Variants in NEK6 observed in about 807,000 individuals in gnomAD.
NEK6 encodes the protein serine/threonine-protein kinase Nek6.
NEK6 carries 27 observed loss-of-function variants against 43.5 expected under a neutral mutation model. That is an observed-to-expected ratio of 0.62 (90% CI 0.46 to 0.86). The LOEUF is 0.86. Ranked by LOEUF, NEK6 falls within the 40% of genes least tolerant of loss-of-function variation. The pLI, the probability that NEK6 is intolerant of heterozygous loss-of-function variation, is 0.00. For synonymous variants in NEK6, 167 were observed against 164.1 expected (o/e 1.02, Z -0.14); for missense variants, 318 against 414.4 (o/e 0.77, Z 2.02).
intron 1 of NEK6, among the ~76,000 whole-genome samples, chr9:124,276,452 G>A (rs1831654168): frequency 6.6e-6 from 1 of 152,202 alleles, no homozygotes; most frequent in South Asian, 2.1e-4. Flanking sequence ...AGAAGCCATA[G>A]GGTCAGCCTA....
At chr9:124,279,384 C>T (rs866865159) in intron 1 of NEK6, among the ~76,000 whole-genome samples, 40 of 151,616 alleles carry the variant, frequency 2.6e-4, no homozygotes, top group African/African-American at 8.5e-4. Context: ...TCACTGCAAC[C>T]TCTGCTCCCC....
At chr9:124,292,202 CT>C in intron 1 of NEK6, 1 of 1,255,734 alleles carries the variant, frequency 8.0e-7, no homozygotes, top group East Asian at 3.2e-5. Flanking sequence ...CTCCAGGGAC[CT>C]TGACCTGGCT....
intron 4 of NEK6, among the ~76,000 whole-genome samples, chr9:124,314,443 T>G (rs11788226): frequency 0.02 from 2,968 of 151,816 alleles, 44 homozygotes; most frequent in Middle Eastern, 0.034. Flanking sequence ...CCATCTCTCC[T>G]CTCAGCCTTT....
intron 1 of NEK6, among the ~76,000 whole-genome samples, chr9:124,282,287 A>G (rs1405688076): frequency 6.6e-6 from 1 of 151,958 alleles, no homozygotes; most frequent in East Asian, 1.9e-4. Flanking sequence ...TGGCTCGTCT[A>G]CACATCCCTC....
At chr9:124,345,036 ACATCT>A (rs1329966875) in intron 8 of NEK6, among the ~76,000 whole-genome samples, 1 of 152,172 alleles carries the variant, frequency 6.6e-6, no homozygotes, top group Non-Finnish European at 1.5e-5. Flanking sequence ...TGTCCCTCTG[ACATCT>A]CAGATCACAC....
intron 1 of NEK6, among the ~76,000 whole-genome samples, chr9:124,295,458 G>T (rs973952460): frequency 1.3e-5 from 2 of 152,220 alleles, no homozygotes; most frequent in African/African-American, 2.4e-5. Context: ...AGCAGCCAGA[G>T]CCACAGCTCT....
chr9:124,326,202 T>TCCGCC lies in NEK6; in HGVS notation c.406-126_406-125insGCCCC. 8.1e-6 allele frequency: 1 copy of TCCGCC among 124,052 alleles called. No individual in the cohort carries two copies. Among genetic ancestry groups the TCCGCC allele is most frequent in the Non-Finnish European group, 2.0e-5 (1 of 50,618 alleles). The allele number at this position is 124,052 out of a possible 1,614,324, so 7.7% of individuals were successfully genotyped here. On this transcript the variant is annotated intron_variant, in intron 5 of 9. Transcript: ENST00000320246. This position sits in a 1 kb window ranked among gnomAD's most constrained non-coding sequence, Gnocchi z 4.5. The stretch of plus-strand genomic sequence containing the variant: ...GCTTATTGTTTGCTCAGTGGCTCAA[T>TCCGCC]CCCCCCCCCCCGCCCCTGCCAGGCA...
chr9:124,296,616 G>A (rs1588474179), intron 1 of NEK6, among the ~76,000 whole-genome samples: 1 of 152,330 alleles, frequency 6.6e-6, no homozygotes, highest in East Asian at 1.9e-4. Flanking sequence ...GCAAGGAGAG[G>A]TGTAAGATCC....
chr9:124,347,897 C>T, intron 9 of NEK6, 75 bp downstream of exon 9: 1 of 846,590 alleles, frequency 1.2e-6, no homozygotes, highest in East Asian at 2.5e-5. Flanking sequence ...TCCAAAACAC[C>T]ACAGCTGTGG....
rs1829671494 is a variant in NEK6 at position 124,342,271 on chromosome 9, T to C, written c.717+2606T>C. Among the ~76,000 whole-genome samples the C allele has an allele frequency of 3.9e-5, 6 of 152,340 alleles. No individual in the cohort carries two copies. In the South Asian group the frequency reaches 1.2e-3, roughly 32 times the overall value. ...TCCTGAGGGGAAGAGACAGGCGTTC[T>C]AGGTCTCCCAAGGCCCAGGCTAATG... On this transcript the variant is annotated intron_variant, in intron 8 of 9. Transcript: ENST00000320246.
chr9:124,300,764 G>C (rs1280952691), intron 1 of NEK6, among the ~76,000 whole-genome samples: 2 of 151,770 alleles, frequency 1.3e-5, no homozygotes, highest in Non-Finnish European at 2.9e-5. Context: ...TTTCATTCTC[G>C]CCCCCTCAGC....
chr9:124,289,686 T>C (rs1413702263), intron 1 of NEK6, among the ~76,000 whole-genome samples: 3 of 152,184 alleles, frequency 2.0e-5, no homozygotes, highest in Non-Finnish European at 2.9e-5. Context: ...TGCCCAGAAA[T>C]GAGCACGTGA....
At chr9:124,310,047 G>A (rs1000377276) in intron 2 of NEK6, among the ~76,000 whole-genome samples, 5 of 152,204 alleles carry the variant, frequency 3.3e-5, no homozygotes, top group African/African-American at 7.2e-5. Context: ...AGGCCTGGCC[G>A]GTCAGGGGGT....
intron 1 of NEK6, among the ~76,000 whole-genome samples, chr9:124,268,962 T>TG (rs1481649632): frequency 2.0e-5 from 3 of 152,162 alleles, no homozygotes; most frequent in African/African-American, 7.2e-5. Flanking sequence ...GAGCAGAGTC[T>TG]CGGCAGATGC....
chr9:124,302,058 A>T lies in NEK6; in HGVS notation c.90+4A>T. On this transcript the variant is annotated splice_donor_region_variant and intron_variant, in intron 2 of 9. Transcript: ENST00000320246. Reference sequence around the variant, plus strand: ...TGTGCATCCTCCTGACCCACAGGTAAGCCCCTTACCTTTGTCTGCAGCACA... The same window carrying T: ...TGTGCATCCTCCTGACCCACAGGTATGCCCCTTACCTTTGTCTGCAGCACA... 1 of 1,594,246 alleles carries T rather than the reference A, an allele frequency of 6.3e-7. No homozygotes were observed. Among genetic ancestry groups the T allele is most frequent in the Non-Finnish European group, 8.6e-7 (1 of 1,168,486 alleles).
chr9:124,284,010 G>A (rs544589187), intron 1 of NEK6, among the ~76,000 whole-genome samples: 1 of 152,342 alleles, frequency 6.6e-6, no homozygotes, highest in Admixed American at 6.5e-5. Context: ...ATGTCTGGAG[G>A]CATGTGACGC....
chr9:124,303,738 T>C (rs2130807418), intron 2 of NEK6, among the ~76,000 whole-genome samples: 1 of 152,334 alleles, frequency 6.6e-6, no homozygotes, highest in East Asian at 1.9e-4. Flanking sequence ...CAGGACACTG[T>C]GGGTCCAGAG....
intron 4 of NEK6, among the ~76,000 whole-genome samples, chr9:124,320,506 G>A (rs75736011): frequency 0.026 from 4,036 of 152,322 alleles, 176 homozygotes; most frequent in African/African-American, 0.091. Flanking sequence ...CTGGTGGTTG[G>A]CTGGTGTCTG....
At chr9:124,265,590 T>G (rs1831199471) in intron 1 of NEK6, 1 of 151,970 alleles carries the variant, frequency 6.6e-6, no homozygotes, top group African/African-American at 2.4e-5. Context: ...ATGGCGACAC[T>G]GAGGCCCAGA....
Sources: gnomAD v4.1 joint callset for allele counts (sites outside exome capture counted in the v4.1 genomes callset) on GRCh38, gnomAD v4.1.1 for gene constraint, Gnocchi (gnomAD v3.1) non-coding constraint, MANE v1.5 for transcripts, NCBI Gene and HGNC (gene_info 2026-07-23, HGNC 2026-07-21) for gene names.